Variants in SPIRE1 observed in about 807,000 individuals in gnomAD.
SPIRE1 encodes spire type actin nucleation factor 1.
SPIRE1 carries 40 observed loss-of-function variants against 94.1 expected under a neutral mutation model. The observed-to-expected ratio is 0.43, with a 90% CI of 0.33 to 0.55. The LOEUF (loss-of-function observed/expected upper bound fraction) is 0.55, where lower values mean the gene tolerates loss of function less well. Among genes scored for constraint, SPIRE1 ranks in the 20% least tolerant of loss-of-function variants. The pLI, the probability that SPIRE1 is intolerant of heterozygous loss-of-function variation, is 0.06. For synonymous variants in SPIRE1, 376 were observed against 371.7 expected (o/e 1.01, Z -0.13); for missense variants, 838 against 975.2 (o/e 0.86, Z 1.87).
chr18:12,575,290 G>A (rs1310040009), intron 2 of SPIRE1, among the ~76,000 whole-genome samples: 2 of 150,870 alleles, frequency 1.3e-5, no homozygotes, highest in Non-Finnish European at 1.5e-5. Flanking sequence ...TGAACACAAA[G>A]AGTAAAAAAA....
Position 12,477,756 on chromosome 18 carries a change from AG to A in SPIRE1, c.1404+1942del, listed in dbSNP as rs144080549. ...CCACGCTGACTCTGACAAGGACGTG[AG>A]GGGCAGACCGCAGACACAGCTAAGC... On this transcript the variant is annotated intron_variant, in intron 10 of 16. Transcript: ENST00000409402. Among the ~76,000 whole-genome samples, 644 of 152,256 alleles carry A rather than the reference AG, an allele frequency of 4.2e-3. 1 individual carries two copies. Among genetic ancestry groups the A allele is most frequent in the Non-Finnish European group, 5.8e-3 (394 of 68,026 alleles).
At chr18:12,632,451 A>C (rs888834516) in intron 2 of SPIRE1, among the ~76,000 whole-genome samples, 1 of 151,922 alleles carries the variant, frequency 6.6e-6, no homozygotes, top group Non-Finnish European at 1.5e-5. Context: ...ATTTCACCAA[A>C]CTTCTAAGAA....
At chr18:12,592,444 G>A (rs1242169325) in intron 2 of SPIRE1, among the ~76,000 whole-genome samples, 1 of 152,166 alleles carries the variant, frequency 6.6e-6, no homozygotes, top group Non-Finnish European at 1.5e-5. Flanking sequence ...ATTTATAAAT[G>A]TGAGTTTACA....
intron 4 of SPIRE1, among the ~76,000 whole-genome samples, chr18:12,528,838 T>C (rs1341417582): frequency 1.3e-5 from 2 of 152,186 alleles, no homozygotes; most frequent in Non-Finnish European, 2.9e-5. Context: ...AGACAGATGG[T>C]GAGAAACCAG....
intron 5 of SPIRE1, 84 bp from the exon 6 acceptor site, chr18:12,506,725 A>G: frequency 7.7e-7 from 1 of 1,306,804 alleles, no homozygotes; most frequent in Non-Finnish European, 1.1e-6. Flanking sequence ...ATAAATGAAG[A>G]GCTTGGATTA....
chr18:12,604,148 G>C (rs2036909784), intron 2 of SPIRE1, among the ~76,000 whole-genome samples: 2 of 152,160 alleles, frequency 1.3e-5, no homozygotes, highest in Non-Finnish European at 2.9e-5. Flanking sequence ...TAGCAAATCA[G>C]TCAAATCAGT....
rs1373665920 is a variant in SPIRE1, at chr18:12,657,772, G to A, written c.95C>T (p.Ala32Val). Residue 32 changes from alanine (A) to valine (V), a missense_variant, in exon 1 of 17, where the codon GCG becomes GTG. Ala to Val is a moderately conservative substitution (Grantham distance 64). Coordinates refer to ENST00000409402, the MANE Select transcript of SPIRE1 (RefSeq NM_001128626.2). ...CAGCGCGTCCCGGGAGCCCCCGGCC[G>A]CGCCGCCGGCTGCCCCGGGCTCCCG... ...GPREPGAAGG[A>V]AGGSRDALSL... 7.5e-7 allele frequency: 1 copy of A among 1,329,562 alleles called. No individual in the cohort carries two copies. 82.4% of individuals were successfully genotyped at this position (1,329,562 alleles called of 1,614,324 possible). A position where few individuals can be genotyped will look rare whatever the true frequency, so the allele number is the denominator to read the frequency against.
chr18:12,517,787 T>C (rs1201430777), intron 4 of SPIRE1, among the ~76,000 whole-genome samples: 1 of 152,156 alleles, frequency 6.6e-6, no homozygotes, highest in African/African-American at 2.4e-5. Flanking sequence ...TTTGTGTAGG[T>C]TCAACATCAG....
At chr18:12,485,687 G>A (rs142054201) in intron 9 of SPIRE1, among the ~76,000 whole-genome samples, 117 of 152,248 alleles carry the variant, frequency 7.7e-4, no homozygotes, top group African/African-American at 2.4e-3. Context: ...AGTGACAGCC[G>A]CCATTAAGAT....
chr18:12,517,732 G>C (rs1477965147), intron 4 of SPIRE1, among the ~76,000 whole-genome samples: 1 of 152,162 alleles, frequency 6.6e-6, no homozygotes, highest in East Asian at 1.9e-4. Flanking sequence ...AATCTACTCT[G>C]TGAATCAGAA....
At chr18:12,599,408 G>C (rs905985022) in intron 2 of SPIRE1, among the ~76,000 whole-genome samples, 1 of 151,962 alleles carries the variant, frequency 6.6e-6, no homozygotes, top group African/African-American at 2.4e-5. Flanking sequence ...CTACAGGTAC[G>C]CCCCACTACA....
At position 12,449,005 on chromosome 18, in the gene SPIRE1, G is replaced by A. The variant is rs1261293104; in HGVS notation, c.*633C>T. 1 of 152,852 alleles carries A rather than the reference G, an allele frequency of 6.5e-6. No individual in the cohort carries two copies. Among genetic ancestry groups the A allele is most frequent in the Non-Finnish European group, 1.5e-5 (1 of 68,284 alleles). 9.5% of individuals were successfully genotyped at this position (152,852 alleles called of 1,614,324 possible). A position where few individuals can be genotyped will look rare whatever the true frequency, so the allele number is the denominator to read the frequency against. On this transcript the variant is annotated 3_prime_UTR_variant, in exon 17 of 17. Coordinates refer to ENST00000409402, the MANE Select transcript of SPIRE1 (RefSeq NM_001128626.2). ...GGCACTGGGACAACACGGCCACTCA[G>A]GGGAAATAGTCACCCTTGTGGGTGT...
At chr18:12,538,050 A>C (rs2034894247) in intron 3 of SPIRE1, among the ~76,000 whole-genome samples, 1 of 152,196 alleles carries the variant, frequency 6.6e-6, no homozygotes. Flanking sequence ...AACCCAATTT[A>C]GAGATCAGGA....
chr18:12,566,662 T>C (rs866434024), intron 2 of SPIRE1, among the ~76,000 whole-genome samples: 1 of 152,078 alleles, frequency 6.6e-6, no homozygotes, highest in African/African-American at 2.4e-5. Context: ...TACTAGAAAT[T>C]CTAGGGAAAC....
intron 4 of SPIRE1, among the ~76,000 whole-genome samples, chr18:12,532,590 A>G (rs1250081313): frequency 6.6e-6 from 1 of 152,256 alleles, no homozygotes; most frequent in Non-Finnish European, 1.5e-5. Context: ...ACTCATAGGT[A>G]TAAAGAATGA....
chr18:12,601,432 G>A (rs750725338), intron 2 of SPIRE1, among the ~76,000 whole-genome samples: 11 of 151,814 alleles, frequency 7.2e-5, no homozygotes, highest in Non-Finnish European at 1.3e-4. Flanking sequence ...CAAAAAAAAC[G>A]AAAACAAAAA....
At chr18:12,455,310 A>G (rs538088843) in intron 12 of SPIRE1, among the ~76,000 whole-genome samples, 2 of 152,310 alleles carry the variant, frequency 1.3e-5, no homozygotes, top group African/African-American at 4.8e-5. Flanking sequence ...TTTTACTGAC[A>G]AGCATTATTT....
In SPIRE1 at chr18:12,654,926, G is replaced by T. The variant is rs149973485; in HGVS notation, c.337+2604C>A. Reference sequence around the variant, plus strand: ...GCCTATAGTCCCAGCTGCTCGGGAGGCTGAGGCAAGAGAATCACTTGAACT... The same window carrying T: ...GCCTATAGTCCCAGCTGCTCGGGAGTCTGAGGCAAGAGAATCACTTGAACT... On this transcript the variant is annotated intron_variant, in intron 1 of 16. Coordinates refer to ENST00000409402, the MANE Select transcript of SPIRE1 (RefSeq NM_001128626.2). Among the ~76,000 whole-genome samples the T allele has an allele frequency of 1.3e-3, 199 of 152,024 alleles. 3 individuals carry two copies. In the East Asian group the frequency reaches 0.031, roughly 24 times the overall value.
At chr18:12,595,533 G>C (rs932763394) in intron 2 of SPIRE1, among the ~76,000 whole-genome samples, 8 of 152,150 alleles carry the variant, frequency 5.3e-5, no homozygotes, top group African/African-American at 1.7e-4. Flanking sequence ...AGGACCAAGT[G>C]CTATTAAAAG....
Sources: allele counts gnomAD v4.1 joint callset (sites outside exome capture counted in the v4.1 genomes callset), GRCh38; gene constraint gnomAD v4.1.1; transcripts MANE v1.5; gene names NCBI Gene and HGNC (gene_info 2026-07-23, HGNC 2026-07-21).